RXRA: variants seen among roughly 807,000 people sequenced by gnomAD.
RXRA encodes retinoid X receptor alpha.
In RXRA, 5 loss-of-function variants were observed where a neutral mutation model predicts 44.5. The observed-to-expected ratio is 0.11, with a 90% CI of 0.06 to 0.24. The LOEUF (loss-of-function observed/expected upper bound fraction) is 0.24. Among genes scored for constraint, RXRA ranks in the 10% least tolerant of loss-of-function variants. The pLI, the probability that RXRA is intolerant of heterozygous loss-of-function variation, is 1.00. For synonymous variants in RXRA, 291 were observed against 271.4 expected (o/e 1.07, Z -0.71); for missense variants, 412 against 646.5 (o/e 0.64, Z 3.93).
At chr9:134,344,180 A>G (rs1043378476) in intron 1 of RXRA, among the ~76,000 whole-genome samples, 2 of 152,130 alleles carry the variant, frequency 1.3e-5, no homozygotes, top group African/African-American at 4.8e-5. Context: ...CATGCAGTAC[A>G]AATGTGGACA....
chr9:134,412,271 G>T (rs1283034505), intron 4 of RXRA, among the ~76,000 whole-genome samples: 3 of 152,198 alleles, frequency 2.0e-5, no homozygotes, highest in Non-Finnish European at 4.4e-5. Context: ...TAAGTGTCAG[G>T]CCCCCTGGTG....
intron 1 of RXRA, chr9:134,379,985 G>A (rs1456975942): frequency 1.8e-5 from 18 of 985,166 alleles, no homozygotes; most frequent in South Asian, 4.7e-5. Context: ...CGGGGCTGTC[G>A]GAGCTTCAGG....
intron 1 of RXRA, among the ~76,000 whole-genome samples, chr9:134,338,085 G>A (rs1051507939): frequency 1.3e-5 from 2 of 152,192 alleles, no homozygotes; most frequent in Non-Finnish European, 2.9e-5. Context: ...CACAGACGAC[G>A]TAGGGCTCAG....
chr9:134,390,714 G>T (rs900757949), intron 1 of RXRA, among the ~76,000 whole-genome samples: 1 of 152,208 alleles, frequency 6.6e-6, no homozygotes, highest in Non-Finnish European at 1.5e-5. Flanking sequence ...TGTTGGGGTT[G>T]TGATGGGGGA....
chr9:134,389,736 C>T (rs909480396), intron 1 of RXRA, among the ~76,000 whole-genome samples: 6 of 152,122 alleles, frequency 3.9e-5, no homozygotes, highest in Non-Finnish European at 5.9e-5. Context: ...GACGTTCCTG[C>T]GGGAGGCACT....
chr9:134,338,533 G>A (rs1210813863), intron 1 of RXRA, among the ~76,000 whole-genome samples: 3 of 152,222 alleles, frequency 2.0e-5, no homozygotes, highest in Admixed American at 1.3e-4. Flanking sequence ...GTGTCCCCAC[G>A]TGCGTCTGGC....
chr9:134,376,403 T>C (rs980172646), intron 1 of RXRA, among the ~76,000 whole-genome samples: 27 of 152,204 alleles, frequency 1.8e-4, no homozygotes, highest in African/African-American at 6.5e-4. Flanking sequence ...TCTCCATTCC[T>C]TCGCGGGGGC....
intron 1 of RXRA, among the ~76,000 whole-genome samples, chr9:134,385,325 G>A (rs1353549374): frequency 1.3e-5 from 2 of 152,228 alleles, no homozygotes; most frequent in Admixed American, 1.3e-4. Context: ...CCCTCGTTGT[G>A]TGGCTGGAGG....
At chr9:134,434,284 T>G (rs1023146805) in intron 9 of RXRA, 77 bp downstream of exon 9, 2 of 1,060,808 alleles carry the variant, frequency 1.9e-6, no homozygotes, top group Non-Finnish European at 2.8e-6. Context: ...GCAAGGCCAT[T>G]TTATGTGAAT....
rs1445586636 is a variant in RXRA, at chr9:134,381,513, G to A, written c.29-20119G>A. 2.6e-5 allele frequency among the ~76,000 whole-genome samples: 4 copies of A among 152,212 alleles called. No homozygotes were observed. The East Asian group carries it at 7.7e-4, about 29-fold the overall frequency. ...GGGAATGATTGTGTGTGCTGTAAGG[G>A]CCAGGCCCAGGGCTGAGAGGGGCTG... On this transcript the variant is annotated intron_variant, in intron 1 of 9. Transcript: ENST00000481739.
Position 134,380,142 on chromosome 9 carries a change from C to T in RXRA, c.29-21490C>T, listed in dbSNP as rs564782065. On this transcript the variant is annotated intron_variant, in intron 1 of 9. Coordinates refer to ENST00000481739, the MANE Select transcript of RXRA (RefSeq NM_002957.6). Reference sequence around the variant, plus strand: ...GTGTGGCCTTGGCACTGCCACCGTCCACCAGCGGCAAGTCAGGGCAGGTGC... The same window carrying T: ...GTGTGGCCTTGGCACTGCCACCGTCTACCAGCGGCAAGTCAGGGCAGGTGC... 5.1e-6 allele frequency: 5 copies of T among 985,476 alleles called. No homozygotes were observed. The South Asian group carries it at 1.9e-4, about 37-fold the overall frequency. The allele number at this position is 985,476 out of a possible 1,614,324, so 61.0% of individuals were successfully genotyped here.
chr9:134,363,823 A>G (rs1364060801), intron 1 of RXRA, among the ~76,000 whole-genome samples: 2 of 152,148 alleles, frequency 1.3e-5, no homozygotes, highest in African/African-American at 4.8e-5. Context: ...CCGGGGCCGG[A>G]GGCGTGACGT....
At position 134,429,671 on chromosome 9, in the gene RXRA, G is replaced by A. The variant is rs117048494; in HGVS notation, c.1043+431G>A. 3.9e-4 allele frequency among the ~76,000 whole-genome samples: 60 copies of A among 152,322 alleles called. No homozygotes were observed. In the East Asian group the frequency reaches 0.01, roughly 26 times the overall value. On this transcript the variant is annotated intron_variant, in intron 7 of 9. Transcript: ENST00000481739. The stretch of plus-strand genomic sequence containing the variant: ...AACGCCTGTCCCCGTGCAGGCAGGG[G>A]TGTCGGGACCGCAGTGCTTCACACC...
chr9:134,434,869 G>GC (rs1217079112), intron 9 of RXRA, among the ~76,000 whole-genome samples: 20 of 150,730 alleles, frequency 1.3e-4, no homozygotes, highest in Admixed American at 1.3e-3. Context: ...GGCGGGGAGG[G>GC]GGTCGGGGGA....
At chr9:134,422,436 C>G (rs1436123776) in intron 6 of RXRA, 6 of 1,272,430 alleles carry the variant, frequency 4.7e-6, no homozygotes, top group Admixed American at 2.4e-5. Flanking sequence ...ACGCTCCCCT[C>G]TCCCTAGACA....
intron 4 of RXRA, among the ~76,000 whole-genome samples, chr9:134,412,892 GCTTCCCATTTC>G (rs549678006): frequency 3.9e-5 from 6 of 152,344 alleles, no homozygotes; most frequent in African/African-American, 1.2e-4. Flanking sequence ...CAGGAAGGCT[GCTTCCCATTTC>G]CTTCCTGCCT....
intron 6 of RXRA, chr9:134,427,170 C>T: frequency 1.2e-6 from 1 of 815,610 alleles, no homozygotes; most frequent in Non-Finnish European, 1.5e-6. Context: ...TGGGCAAAAA[C>T]AAAAAAAAAA....
chr9:134,374,165 G>C (rs1455154659), intron 1 of RXRA: 1 of 152,260 alleles, frequency 6.6e-6, no homozygotes, highest in African/African-American at 2.4e-5. Flanking sequence ...GGACAAGGAC[G>C]TTTAGAACCA....
chr9:134,432,909 G>A (rs1028467606), intron 8 of RXRA, among the ~76,000 whole-genome samples: 7 of 152,208 alleles, frequency 4.6e-5, no homozygotes, highest in Non-Finnish European at 8.8e-5. Flanking sequence ...GCCAAGTCCT[G>A]AGGGGTTCCA....
Sources: allele counts gnomAD v4.1 joint callset (sites outside exome capture counted in the v4.1 genomes callset), GRCh38; gene constraint gnomAD v4.1.1; transcripts MANE v1.5; gene names NCBI Gene and HGNC (gene_info 2026-07-23, HGNC 2026-07-21).